The following LZTS3 variants were observed in gnomAD, a reference collection of about 807,000 sequenced individuals.
LZTS3 encodes the protein leucine zipper putative tumor suppressor 3.
LZTS3 carries 16 observed loss-of-function variants against 50.9 expected under a neutral mutation model. The observed-to-expected ratio is 0.31, with a 90% CI of 0.21 to 0.48. LZTS3 has a LOEUF of 0.48. LZTS3 is among the 20% of genes least tolerant of loss of function. LZTS3 has a pLI of 0.99. For missense variants in LZTS3, 816 were observed against 931.0 expected, an observed-to-expected ratio of 0.88 and a Z score of 1.61; for synonymous variants, 408 against 410.6, an observed-to-expected ratio of 0.99 and a Z score of 0.08.
chr20:3,164,563 C>G lies in LZTS3; in HGVS notation c.1913G>C (p.Arg638Pro). 1.2e-6 allele frequency: 2 copies of G among 1,610,046 alleles called. No homozygotes were observed. The highest frequency in any genetic ancestry group is 2.2e-5 in the East Asian group (1 of 44,454). ...TGCACCCCCTGCGGCCCCGCGCTCCCGCAGCCTGCGCTCCAGCTGCTGGTT... is the reference window on the plus strand; with the variant it reads ...TGCACCCCCTGCGGCCCCGCGCTCCGGCAGCCTGCGCTCCAGCTGCTGGTT... ...QRNQQLERRL[R>P]ERGAAGGAST... Residue 638 changes from arginine to proline, a missense_variant, in exon 5 of 5, where the codon CGG (arginine) becomes CCG (proline). Arg to Pro is a moderately radical substitution (Grantham distance 103). Coordinates refer to ENST00000337576, the MANE Select transcript of LZTS3 (RefSeq NM_001365618.1).
At chr20:3,166,494 G>C in intron 3 of LZTS3, 134 bp from the exon 4 acceptor site, 1 of 1,257,194 alleles carries the variant, frequency 8.0e-7, no homozygotes, top group African/African-American at 1.5e-5. Flanking sequence ...TTCCCCATCC[G>C]GGGTTCTACC....
Position 3,165,283 on chromosome 20 carries a change from A to G in LZTS3, c.1324-131T>C, listed in dbSNP as rs2066793946. ...CAGGCTCAGCCCCTCATCAGCAGCGACGCACCCGATTCCCTGCCTGGACTC... is the reference window on the plus strand; with the variant it reads ...CAGGCTCAGCCCCTCATCAGCAGCGGCGCACCCGATTCCCTGCCTGGACTC... On this transcript the variant is annotated intron_variant, in intron 4 of 4. Transcript: ENST00000337576. The surrounding 1 kb of genome is among the most constrained non-coding windows in gnomAD (Gnocchi z 5.0). 1 of 1,174,988 alleles carries G rather than the reference A, an allele frequency of 8.5e-7. No homozygotes were observed. Among genetic ancestry groups the G allele is most frequent in the East Asian group, 2.6e-5 (1 of 38,320 alleles). The allele number at this position is 1,174,988 out of a possible 1,614,324, so 72.8% of individuals were successfully genotyped here. A position where few individuals can be genotyped will look rare whatever the true frequency, so the allele number is the denominator to read the frequency against.
chr20:3,164,374 A>C lies in LZTS3; in HGVS notation c.*80T>G, dbSNP rs537490676. 3 of 1,411,088 alleles carry C rather than the reference A, an allele frequency of 2.1e-6. No homozygotes were observed. Among genetic ancestry groups the C allele is most frequent in the Admixed American group, 5.1e-5 (2 of 39,432 alleles). 87.4% of individuals were successfully genotyped at this position (1,411,088 alleles called of 1,614,324 possible). On this transcript the variant is annotated 3_prime_UTR_variant, in exon 5 of 5. Transcript: ENST00000337576. ...TCTGGGGTTATGGGGTCTATGGGGA[A>C]GAGAGATGGAGGGGAGGGGACACTG... is the stretch of plus-strand genomic sequence containing the variant.
At chr20:3,166,463 T>C (rs1197952391) in intron 3 of LZTS3, 103 bp from the exon 4 acceptor site, 4 of 1,386,546 alleles carry the variant, frequency 2.9e-6, no homozygotes, top group Admixed American at 2.7e-5. Flanking sequence ...CTCCCACCCC[T>C]ACTGGATTTC....
rs751829850 is a variant in LZTS3, at chr20:3,167,093, C to T, written c.71G>A (p.Arg24Gln). Residue 24 changes from arginine (R) to glutamine (Q), a missense_variant, in exon 3 of 5, where the codon CGG (arginine) becomes CAG (glutamine). This residue lies in a region of LZTS3 where 700 missense variants were observed against 769.4 expected (regional missense o/e 0.91). Transcript: ENST00000337576. ...GRDPLLAFAP[R>Q]PSELGPPDPR... ...GTCCGGGGGTCCAAGCTCGGAGGGC[C>T]GTGGGGCAAAGGCCAGGAGAGGATC... is the stretch of plus-strand genomic sequence containing the variant. 4.9e-5 allele frequency: 75 copies of T among 1,537,454 alleles called. No homozygotes were observed. In the East Asian group the frequency reaches 1.4e-3, roughly 28 times the overall value.
In LZTS3 at chr20:3,164,879, G is replaced by A; in HGVS notation, c.1597C>T (p.Leu533=). The A allele has an allele frequency of 1.9e-6, 3 of 1,555,570 alleles. No individual in the cohort carries two copies. The highest frequency in any genetic ancestry group is 2.6e-6 in the Non-Finnish European group (3 of 1,156,608). The part of the protein sequence containing the change: ...PVDPAEPQDA[L]ATCESDEAKM... ...GCCTCGTCGCTCTCGCAGGTGGCCA[G>A]AGCATCCTGTGGCTCGGCCGGGTCC... is the stretch of plus-strand genomic sequence containing the variant. Residue 533 remains leucine, a synonymous_variant, in exon 5 of 5, where the codon CTG becomes TTG. Coordinates refer to ENST00000337576, the MANE Select transcript of LZTS3 (RefSeq NM_001365618.1).
chr20:3,172,850 G>C (rs1162733974), intron 1 of LZTS3, among the ~76,000 whole-genome samples: 1 of 152,216 alleles, frequency 6.6e-6, no homozygotes, highest in Non-Finnish European at 1.5e-5. Flanking sequence ...GGCTTTTGGG[G>C]TGCAGAGATA....
Position 3,165,637 on chromosome 20 carries a change from G to A in LZTS3, c.1183C>T (p.Arg395Trp), listed in dbSNP as rs1289188024. ...AGCTGCTTCTTGTCCTGCTGCAGCCGCAACACCTGCAGCTGTAGGCCCTGC... is the reference window on the plus strand; with the variant it reads ...AGCTGCTTCTTGTCCTGCTGCAGCCACAACACCTGCAGCTGTAGGCCCTGC... Reference protein sequence around the residue: ...AQQGLQLQVLRLQQDKKQLQE... With the variant: ...AQQGLQLQVLWLQQDKKQLQE... Residue 395 changes from arginine (R) to tryptophan (W), a missense_variant, in exon 4 of 5, where the codon CGG becomes TGG. Around this residue, in one of 3 missense-constraint regions of LZTS3, gnomAD observed 700 missense variants for 769.4 expected, o/e 0.91. Coordinates refer to ENST00000337576, the MANE Select transcript of LZTS3 (RefSeq NM_001365618.1). This position sits in a 1 kb window ranked among gnomAD's most constrained non-coding sequence, Gnocchi z 5.0. The A allele has an allele frequency of 6.3e-7, 1 of 1,594,812 alleles. No individual in the cohort carries two copies. Among genetic ancestry groups the A allele is most frequent in the Non-Finnish European group, 8.5e-7 (1 of 1,177,822 alleles).
intron 1 of LZTS3, among the ~76,000 whole-genome samples, 183 bp downstream of exon 1, chr20:3,173,272 C>T (rs2066921304): frequency 6.6e-6 from 1 of 152,142 alleles, no homozygotes; most frequent in Admixed American, 6.5e-5. Flanking sequence ...CCACCTCCCC[C>T]CAGGCCGGGC....
rs1482727548 is a variant in LZTS3 at position 3,164,724 on chromosome 20, C to T, written c.1752G>A (p.Leu584=). The T allele has an allele frequency of 6.4e-7, 1 of 1,559,196 alleles. No homozygotes were observed. Among genetic ancestry groups the T allele is most frequent in the East Asian group, 2.4e-5 (1 of 40,910 alleles). ...GCTCCCGGGCCCGCCGCTCAGCCGC[C>T]AGCTCGGCCTGCAGCCGCCCCACCT... is the stretch of plus-strand genomic sequence containing the variant. ...RREVGRLQAE[L]AAERRARERQ... The change falls in exon 5 of 5, where the codon CTG becomes CTA. Residue 584 remains leucine (L), a synonymous_variant. Transcript: ENST00000337576.
rs769626511 is a variant in LZTS3, at chr20:3,166,277, C to T, written c.543G>A (p.Pro181=). The change falls in exon 4 of 5, where the codon CCG becomes CCA. Residue 181 remains proline, a synonymous_variant. Coordinates refer to ENST00000337576, the MANE Select transcript of LZTS3 (RefSeq NM_001365618.1). ...NFHSMQNLCP[P]QTNGTPEGRQ... ...GTCCCTCAGGAGTCCCATTGGTCTG[C>T]GGGGGGCACAAATTCTGCATGGAGT... 8.1e-5 allele frequency: 131 copies of T among 1,613,822 alleles called. No individual in the cohort carries two copies. The highest frequency in any genetic ancestry group is 1.6e-4 in the Middle Eastern group (1 of 6,062).
intron 1 of LZTS3, among the ~76,000 whole-genome samples, chr20:3,171,355 C>T (rs955622500): frequency 1.3e-5 from 2 of 152,098 alleles, no homozygotes; most frequent in Non-Finnish European, 2.9e-5. Context: ...CTGGGGAATG[C>T]TTGACTATCA....
rs1049780553 is a variant in LZTS3, at chr20:3,167,897, G to A, written c.-178C>T. The stretch of plus-strand genomic sequence containing the variant: ...TGCCTCACTCTCGCAGTCGGGGCTC[G>A]GCCCGAACCAGCTGCGCGACTTTGG... On this transcript the variant is annotated 5_prime_UTR_variant, in exon 2 of 5. Coordinates refer to ENST00000337576, the MANE Select transcript of LZTS3 (RefSeq NM_001365618.1). 3 of 981,730 alleles carry A rather than the reference G, an allele frequency of 3.1e-6. No homozygotes were observed. The highest frequency in any genetic ancestry group is 3.6e-6 in the Non-Finnish European group (3 of 826,680). 60.8% of individuals were successfully genotyped at this position (981,730 alleles called of 1,614,324 possible).
rs762616179 is a variant in LZTS3, at chr20:3,165,794, C to T, written c.1026G>A (p.Leu342=). 4.8e-5 allele frequency: 76 copies of T among 1,593,736 alleles called. No individual in the cohort carries two copies. Among genetic ancestry groups the T allele is most frequent in the Non-Finnish European group, 6.0e-5 (70 of 1,175,894 alleles). Residue 342 remains leucine, a synonymous_variant, in exon 4 of 5, where the codon CTG becomes CTA. Transcript: ENST00000337576. This position sits in a 1 kb window ranked among gnomAD's most constrained non-coding sequence, Gnocchi z 5.0. ...EQEVAALRRS[L]EQSEAAVAQV... Reference sequence around the variant, plus strand: ...GGGCCACAGCCGCCTCGCTCTGCTCCAGGCTGCGCCGCAGAGCTGCCACCT... The same window carrying T: ...GGGCCACAGCCGCCTCGCTCTGCTCTAGGCTGCGCCGCAGAGCTGCCACCT...
rs1226783307 is a variant in LZTS3 at position 3,165,055 on chromosome 20, C to T, written c.1421G>A (p.Arg474His). 3 of 1,580,640 alleles carry T rather than the reference C, an allele frequency of 1.9e-6. No homozygotes were observed. Among genetic ancestry groups the T allele is most frequent in the African/African-American group, 2.7e-5 (2 of 74,668 alleles). Residue 474 changes from arginine to histidine, a missense_variant, in exon 5 of 5, where the codon CGC becomes CAC. By Grantham distance (29) the Arg-to-His change is conservative. This residue lies in a region of LZTS3 where 700 missense variants were observed against 769.4 expected (regional missense o/e 0.91). Coordinates refer to ENST00000337576, the MANE Select transcript of LZTS3 (RefSeq NM_001365618.1). The surrounding 1 kb of genome is among the most constrained non-coding windows in gnomAD (Gnocchi z 5.0). Reference sequence around the variant, plus strand: ...AGCCCGGCCCTCCCGCAGCTGCGAGCGCAGTCCCACGATCTCACTCAACTT... The same window carrying T: ...AGCCCGGCCCTCCCGCAGCTGCGAGTGCAGTCCCACGATCTCACTCAACTT... ...SQKLSEIVGL[R>H]SQLREGRASL...
In LZTS3 at chr20:3,167,718, G is replaced by T. The variant is rs2066850667; in HGVS notation, c.-19+20C>A. The T allele has an allele frequency of 1.0e-6, 1 of 985,850 alleles. No homozygotes were observed. Among genetic ancestry groups the T allele is most frequent in the African/African-American group, 1.7e-5 (1 of 57,350 alleles). The allele number at this position is 985,850 out of a possible 1,614,324, so 61.1% of individuals were successfully genotyped here. On this transcript the variant is annotated intron_variant, in intron 2 of 4. Coordinates refer to ENST00000337576, the MANE Select transcript of LZTS3 (RefSeq NM_001365618.1). ...CCCTATCCAAAAATTGAGGGTGGGG[G>T]TCCTTCCCAGCCCCCTAACCTAAGT...
rs1186010825 is a variant in LZTS3, at chr20:3,173,532, C to G, written c.-320G>C. ...GCTTGCTGGCGCAGCCCGAAGCACG[C>G]CCGGCGGGGCGCGCTGCGCGGGCCC... On this transcript the variant is annotated 5_prime_UTR_variant, in exon 1 of 5. Coordinates refer to ENST00000337576, the MANE Select transcript of LZTS3 (RefSeq NM_001365618.1). 2.0e-5 allele frequency: 3 copies of G among 151,116 alleles called. No individual in the cohort carries two copies. The highest frequency in any genetic ancestry group is 3.0e-5 in the Non-Finnish European group (2 of 67,708). 9.4% of individuals were successfully genotyped at this position (151,116 alleles called of 1,614,324 possible). A position where few individuals can be genotyped will look rare whatever the true frequency, so the allele number is the denominator to read the frequency against.
At position 3,165,405 on chromosome 20, in the gene LZTS3, C is replaced by CCCA; in HGVS notation, c.1323+89_1323+91dup. On this transcript the variant is annotated intron_variant, in intron 4 of 4. Transcript: ENST00000337576. The surrounding 1 kb of genome is among the most constrained non-coding windows in gnomAD (Gnocchi z 5.0). Reference sequence around the variant, plus strand: ...CTGCTCCTTTCATCCCCCCCCCCATCCCACCGTTATGATAGTGAGGGGCAA... The same window carrying CCCA: ...CTGCTCCTTTCATCCCCCCCCCCATCCCACCACCGTTATGATAGTGAGGGGCAA... The CCCA allele has an allele frequency of 8.6e-7, 1 of 1,160,970 alleles. No homozygotes were observed. The highest frequency in any genetic ancestry group is 1.5e-5 in the South Asian group (1 of 66,186). 71.9% of individuals were successfully genotyped at this position (1,160,970 alleles called of 1,614,324 possible). A position where few individuals can be genotyped will look rare whatever the true frequency, so the allele number is the denominator to read the frequency against.
At chr20:3,168,368 C>A (rs1239904913) in intron 1 of LZTS3, 1 of 152,120 alleles carries the variant, frequency 6.6e-6, no homozygotes, top group Non-Finnish European at 1.5e-5. Context: ...GGGGAGGGGC[C>A]GCTGCAGGGT....
Sources: allele counts gnomAD v4.1 joint callset (sites outside exome capture counted in the v4.1 genomes callset), GRCh38; gene constraint gnomAD v4.1.1; regional missense constraint gnomAD v4.1.1; non-coding constraint Gnocchi (gnomAD v3.1); transcripts MANE v1.5; gene names NCBI Gene and HGNC (gene_info 2026-07-23, HGNC 2026-07-21).